The following LSM14A variants were observed in gnomAD, a reference collection of about 807,000 sequenced individuals.
LSM14A encodes protein LSM14 homolog A.
Under a neutral mutation model 52.4 loss-of-function variants are expected in LSM14A, and 14 were observed. The observed-to-expected ratio is 0.27, with a 90% confidence interval of 0.18 to 0.42. The LOEUF (loss-of-function observed/expected upper bound fraction) is 0.42. Ranked by LOEUF, LSM14A falls within the 10% of genes least tolerant of loss-of-function variation. The pLI is 1.00. For synonymous variants in LSM14A, 185 were observed against 200.3 expected (o/e 0.92, Z 0.64); for missense variants, 417 against 581.8 (o/e 0.72, Z 2.91).
chr19:34,203,466 A>G (rs1555770699), intron 3 of LSM14A, among the ~76,000 whole-genome samples: 3 of 152,170 alleles, frequency 2.0e-5, no homozygotes, highest in East Asian at 3.8e-4. Context: ...GCATAAAGCC[A>G]GGGGGGTGTT....
intron 9 of LSM14A, chr19:34,226,375 C>CTTTT (rs528137318): frequency 3.3e-4 from 390 of 1,195,638 alleles, no homozygotes; most frequent in South Asian, 9.5e-4. Flanking sequence ...ATCTCTTTCT[C>CTTTT]TTTTTTTTTT....
At chr19:34,193,972 A>T (rs113113155) in intron 1 of LSM14A, among the ~76,000 whole-genome samples, 2 of 152,216 alleles carry the variant, frequency 1.3e-5, no homozygotes, top group African/African-American at 4.8e-5. Flanking sequence ...GGAGTTCAAG[A>T]CCAGCCTGTG....
intron 9 of LSM14A, among the ~76,000 whole-genome samples, chr19:34,223,725 T>A (rs2073190310): frequency 1.3e-5 from 2 of 152,230 alleles, no homozygotes; most frequent in Admixed American, 6.5e-5. Flanking sequence ...GACAACTCCT[T>A]GTTGAAGACC....
intron 3 of LSM14A, among the ~76,000 whole-genome samples, chr19:34,197,331 T>C (rs529796341): frequency 6.6e-6 from 1 of 152,166 alleles, no homozygotes; most frequent in Admixed American, 6.5e-5. Context: ...CCTCAGGTGA[T>C]CCACCTGCTT....
intron 1 of LSM14A, among the ~76,000 whole-genome samples, chr19:34,192,310 C>CTTTTTTTTTTTTTTTT (rs1568479681): frequency 7.7e-5 from 4 of 51,660 alleles, no homozygotes; most frequent in Non-Finnish European, 1.3e-4. Context: ...AAATAACATT[C>CTTTTTTTTTTTTTTTT]TTTTTGTTGT....
At position 34,172,830 on chromosome 19, in the gene LSM14A, G is replaced by A. The variant is rs945614398; in HGVS notation, c.121+67G>A. On this transcript the variant is annotated intron_variant, in intron 1 of 9. Transcript: ENST00000544216. ...CCGCTCGGGGCTGCTCCCCGCTCCG[G>A]CCCGCGGCCTCCTCGTTCCCTCCCC... is the stretch of plus-strand genomic sequence containing the variant. The A allele has an allele frequency of 5.4e-6, 8 of 1,472,948 alleles. No homozygotes were observed. The African/African-American group carries it at 1.0e-4, about 19-fold the overall frequency. 91.2% of individuals were successfully genotyped at this position (1,472,948 alleles called of 1,614,324 possible).
chr19:34,221,433 G>A lies in LSM14A; in HGVS notation c.1137-74G>A, dbSNP rs891867765. On this transcript the variant is annotated intron_variant, in intron 8 of 9. Transcript: ENST00000544216. ...GTAATTACTTAGGCTTAATTTGGGA[G>A]TAGCACTGCATATTTTGGCTGAGGG... 3 of 1,468,458 alleles carry A rather than the reference G, an allele frequency of 2.0e-6. No individual in the cohort carries two copies. The Admixed American group carries it at 6.1e-5, about 30-fold the overall frequency. 91.0% of individuals were successfully genotyped at this position (1,468,458 alleles called of 1,614,324 possible).
chr19:34,177,277 A>G (rs141649972), intron 1 of LSM14A, among the ~76,000 whole-genome samples: 1 of 152,138 alleles, frequency 6.6e-6, no homozygotes, highest in African/African-American at 2.4e-5. Flanking sequence ...TTAAAACATC[A>G]TAGAGATACT....
At chr19:34,184,425 CCT>C (rs1468876435) in intron 1 of LSM14A, among the ~76,000 whole-genome samples, 2 of 152,062 alleles carry the variant, frequency 1.3e-5, no homozygotes, top group African/African-American at 4.8e-5. Context: ...TTTTTAGAAA[CCT>C]TAAATTTCAA....
At chr19:34,217,018 T>A (rs927786493) in intron 6 of LSM14A, among the ~76,000 whole-genome samples, 2 of 152,128 alleles carry the variant, frequency 1.3e-5, no homozygotes, top group African/African-American at 2.4e-5. Flanking sequence ...TCTCAGCACT[T>A]TGGGACGCCG....
rs561067381 is a variant in LSM14A at position 34,183,297 on chromosome 19, A to G, written c.121+10534A>G. Among the ~76,000 whole-genome samples the G allele has an allele frequency of 1.6e-3, 246 of 152,320 alleles. 1 individual carries two copies. Among genetic ancestry groups the G allele is most frequent in the African/African-American group, 5.3e-3 (221 of 41,572 alleles). ...GCCGGGCGCAGTGGCTCACGCCTGT[A>G]ATCCCAGCACTTTGGGAGGCCGAGG... On this transcript the variant is annotated intron_variant, in intron 1 of 9. Transcript: ENST00000544216.
chr19:34,208,726 G>T, intron 3 of LSM14A: 1 of 467,788 alleles, frequency 2.1e-6, no homozygotes, highest in Non-Finnish European at 3.8e-6. Flanking sequence ...CAGTATATTG[G>T]CTCCCCCTTC....
rs374978415 is a variant in LSM14A at position 34,220,611 on chromosome 19, A to G, written c.1136+734A>G. Among the ~76,000 whole-genome samples, 66 of 134,604 alleles carry G rather than the reference A, an allele frequency of 4.9e-4. No individual in the cohort carries two copies. The South Asian group carries it at 0.014, about 29-fold the overall frequency. The allele number at this position is 134,604 out of a possible 152,430, so 88.3% of individuals were successfully genotyped here. On this transcript the variant is annotated intron_variant, in intron 8 of 9. Transcript: ENST00000544216. ...ACAGTTCTAGAGGTTCTCCTGCCCA[A>G]TCCAAATTGTCATTGTCCTTGTCCT... is the stretch of plus-strand genomic sequence containing the variant.
intron 1 of LSM14A, among the ~76,000 whole-genome samples, chr19:34,192,632 C>CAAAA (rs548374017): frequency 2.0e-3 from 153 of 76,922 alleles, no homozygotes; most frequent in Middle Eastern, 8.1e-3. Context: ...ATCAGTTCTG[C>CAAAA]AAAAAAAAAA....
intron 1 of LSM14A, among the ~76,000 whole-genome samples, chr19:34,178,290 C>T (rs187865808): frequency 1.3e-5 from 2 of 152,132 alleles, no homozygotes; most frequent in Non-Finnish European, 2.9e-5. Context: ...GGTCGATGTG[C>T]CTTATTTTCT....
intron 6 of LSM14A, among the ~76,000 whole-genome samples, chr19:34,216,501 C>T (rs1194470158): frequency 3.3e-5 from 5 of 151,962 alleles, no homozygotes; most frequent in African/African-American, 1.2e-4. Context: ...CTCTTGTTAC[C>T]CAGGCTGTAG....
At chr19:34,203,802 C>CA (rs4012715) in intron 3 of LSM14A, among the ~76,000 whole-genome samples, 99 of 131,170 alleles carry the variant, frequency 7.5e-4, no homozygotes, top group African/African-American at 1.4e-3. Flanking sequence ...GACCCTGTCT[C>CA]AAAAAAAAAA....
chr19:34,226,557 T>A, intron 9 of LSM14A: 1 of 1,061,518 alleles, frequency 9.4e-7, no homozygotes, highest in Non-Finnish European at 1.3e-6. Flanking sequence ...ACTTATGCCA[T>A]ACCATATGTA....
At chr19:34,227,292 A>G in intron 9 of LSM14A, 73 bp from the exon 10 acceptor site, 1 of 983,834 alleles carries the variant, frequency 1.0e-6, no homozygotes, top group Admixed American at 2.3e-5. Context: ...TTTAAAATAA[A>G]CTTGAGCAAA....
Sources: gnomAD v4.1 joint callset for allele counts (sites outside exome capture counted in the v4.1 genomes callset) on GRCh38, gnomAD v4.1.1 for gene constraint, MANE v1.5 for transcripts, NCBI Gene and HGNC (gene_info 2026-07-23, HGNC 2026-07-21) for gene names.